Variants in PLXDC2 observed in about 807,000 individuals in gnomAD.
PLXDC2 encodes the protein plexin domain-containing protein 2.
PLXDC2 carries 40 observed loss-of-function variants against 68.9 expected under a neutral mutation model. The observed-to-expected ratio is 0.58, with a 90% CI of 0.45 to 0.76. The LOEUF is 0.76. Ranked by LOEUF, PLXDC2 falls within the 30% of genes least tolerant of loss-of-function variation. PLXDC2 has a pLI of 0.00. For synonymous variants in PLXDC2, 243 were observed against 234.2 expected, an observed-to-expected ratio of 1.04 and a Z score of -0.34; for missense variants, 644 against 661.9, an observed-to-expected ratio of 0.97 and a Z score of 0.30.
chr10:19,872,220 A>C (rs1297147619), intron 1 of PLXDC2, among the ~76,000 whole-genome samples: 1 of 152,216 alleles, frequency 6.6e-6, no homozygotes, highest in Non-Finnish European at 1.5e-5. Context: ...ACGCAGGTCA[A>C]GTAGGAGAGA....
intron 1 of PLXDC2, among the ~76,000 whole-genome samples, chr10:19,940,685 TTAG>T (rs1453996243): frequency 6.6e-6 from 1 of 152,182 alleles, no homozygotes; most frequent in African/African-American, 2.4e-5. Flanking sequence ...TATCAAATTC[TTAG>T]TAGAAGAATT....
At chr10:19,840,641 T>C (rs1836886929) in intron 1 of PLXDC2, among the ~76,000 whole-genome samples, 2 of 152,176 alleles carry the variant, frequency 1.3e-5, no homozygotes, top group Non-Finnish European at 1.5e-5. Flanking sequence ...CCACAATGTA[T>C]ACATTCTTAT....
intron 1 of PLXDC2, among the ~76,000 whole-genome samples, chr10:19,827,725 A>C (rs1031662071): frequency 6.6e-6 from 1 of 151,912 alleles, no homozygotes; most frequent in Non-Finnish European, 1.5e-5. Context: ...CACCCGGCTA[A>C]TTTGTGTATT....
intron 1 of PLXDC2, among the ~76,000 whole-genome samples, chr10:19,969,567 G>A (rs1037655575): frequency 6.6e-6 from 1 of 152,182 alleles, no homozygotes; most frequent in African/African-American, 2.4e-5. Flanking sequence ...AAAGTATGAT[G>A]GAAAGTGAGA....
chr10:19,877,641 G>A (rs1837657218), intron 1 of PLXDC2, among the ~76,000 whole-genome samples: 1 of 152,240 alleles, frequency 6.6e-6, no homozygotes, highest in African/African-American at 2.4e-5. Flanking sequence ...ATGCCCTAGT[G>A]GATCGATGAA....
intron 7 of PLXDC2, among the ~76,000 whole-genome samples, chr10:20,175,747 G>A (rs941439522): frequency 5.9e-5 from 9 of 152,092 alleles, no homozygotes; most frequent in African/African-American, 1.4e-4. Flanking sequence ...TGGGAGGATC[G>A]CTTGAGCCCA....
intron 1 of PLXDC2, among the ~76,000 whole-genome samples, chr10:19,963,938 A>G (rs1834203680): frequency 6.6e-6 from 1 of 152,190 alleles, no homozygotes; most frequent in Non-Finnish European, 1.5e-5. Flanking sequence ...AGGTAGCATT[A>G]GTTTTTCACC....
At chr10:20,162,065 AGAGAGAGAAGG>A (rs1834303156) in intron 6 of PLXDC2, among the ~76,000 whole-genome samples, 1 of 50,424 alleles carries the variant, frequency 2.0e-5, no homozygotes, top group Non-Finnish European at 3.8e-5. Context: ...AGAGAGAGAG[AGAGAGAGAAGG>A]AAGGAAGGAA....
chr10:20,265,688 T>C (rs759801012), intron 13 of PLXDC2, among the ~76,000 whole-genome samples: 7 of 152,200 alleles, frequency 4.6e-5, no homozygotes, highest in African/African-American at 1.2e-4. Flanking sequence ...TAAAAAGATA[T>C]AGATATTTGT....
intron 1 of PLXDC2, among the ~76,000 whole-genome samples, chr10:19,944,657 A>G (rs1833872369): frequency 6.6e-6 from 1 of 152,206 alleles, no homozygotes; most frequent in Non-Finnish European, 1.5e-5. Context: ...GTAAAGAAAT[A>G]GAAGCATTGG....
chr10:20,051,135 A>G (rs1486904286), intron 3 of PLXDC2, among the ~76,000 whole-genome samples: 1 of 152,036 alleles, frequency 6.6e-6, no homozygotes, highest in Non-Finnish European at 1.5e-5. Flanking sequence ...TAACACAGGA[A>G]CAGGAACCAA....
chr10:20,091,474 T>C (rs1306555230), intron 4 of PLXDC2, among the ~76,000 whole-genome samples: 1 of 152,186 alleles, frequency 6.6e-6, no homozygotes, highest in Admixed American at 6.5e-5. Context: ...TTCTGACTCA[T>C]TGTTATTCTC....
intron 1 of PLXDC2, among the ~76,000 whole-genome samples, chr10:19,962,633 G>A (rs1834177783): frequency 6.8e-6 from 1 of 146,630 alleles, no homozygotes; most frequent in Admixed American, 6.7e-5. Flanking sequence ...GTCGTGATCC[G>A]CCTGCCTCGG....
At chr10:19,938,982 T>A (rs566937258) in intron 1 of PLXDC2, among the ~76,000 whole-genome samples, 6 of 152,032 alleles carry the variant, frequency 3.9e-5, no homozygotes, top group Non-Finnish European at 7.4e-5. Flanking sequence ...AGAGTGGGCA[T>A]GAAAAAAAAC....
At position 20,281,330 on chromosome 10, in the gene PLXDC2, C is replaced by T. The variant is rs1836079382; in HGVS notation, c.*1511C>T. 1 of 152,126 alleles carries T rather than the reference C, an allele frequency of 6.6e-6. No homozygotes were observed. The highest frequency in any genetic ancestry group is 6.6e-5 in the Admixed American group (1 of 15,258). 9.4% of individuals were successfully genotyped at this position (152,126 alleles called of 1,614,324 possible). On this transcript the variant is annotated 3_prime_UTR_variant, in exon 14 of 14. Coordinates refer to ENST00000377252, the MANE Select transcript of PLXDC2 (RefSeq NM_032812.9). The stretch of plus-strand genomic sequence containing the variant: ...AGCTCCTAAAGTTTAAATTCAGGTA[C>T]TGAGTGTACAATTTCACCAACATTC...
intron 13 of PLXDC2, among the ~76,000 whole-genome samples, chr10:20,271,132 G>GACACAC (rs55677642): frequency 0.017 from 1,632 of 97,824 alleles, 17 homozygotes; most frequent in East Asian, 0.066. Flanking sequence ...ACAAAAAACA[G>GACACAC]ACACACACAC....
intron 9 of PLXDC2, among the ~76,000 whole-genome samples, chr10:20,191,432 A>T (rs1834763150): frequency 6.6e-6 from 1 of 151,876 alleles, no homozygotes; most frequent in Non-Finnish European, 1.5e-5. Flanking sequence ...TTTCTTAAAA[A>T]TACACAGATT....
chr10:20,192,570 TTTG>T (rs1834781300), intron 9 of PLXDC2, among the ~76,000 whole-genome samples: 1 of 152,020 alleles, frequency 6.6e-6, no homozygotes, highest in Non-Finnish European at 1.5e-5. Flanking sequence ...GTTTGAAGAA[TTTG>T]TTATTTTTCA....
chr10:20,086,799 C>G (rs917717775), intron 4 of PLXDC2, among the ~76,000 whole-genome samples: 3 of 152,164 alleles, frequency 2.0e-5, no homozygotes, highest in Non-Finnish European at 4.4e-5. Flanking sequence ...AAAATCAAGC[C>G]TGTAGCACGC....
Sources: gnomAD v4.1 joint callset for allele counts (sites outside exome capture counted in the v4.1 genomes callset) on GRCh38, gnomAD v4.1.1 for gene constraint, MANE v1.5 for transcripts, NCBI Gene and HGNC (gene_info 2026-07-23, HGNC 2026-07-21) for gene names.